C10orf143: variants seen among roughly 807,000 people sequenced by gnomAD.
The protein encoded by C10orf143 is chromosome 10 open reading frame 143.
rs931397970 is a variant in C10orf143, at chr10:130,056,887, G to A, written c.298-20917C>T. ...ATTACAGGCGTGAGCCACTGTGCCC[G>A]GCCAGTTGCTTTCATTTTTTATACA... is the stretch of plus-strand genomic sequence containing the variant. On this transcript the variant is annotated intron_variant and NMD_transcript_variant, in intron 3 of 5. Coordinates refer to the C10orf143 transcript ENST00000643056. This position sits in a 1 kb window ranked among gnomAD's most constrained non-coding sequence, Gnocchi z 4.6. Among the ~76,000 whole-genome samples the A allele has an allele frequency of 4.0e-5, 6 of 151,658 alleles. No individual in the cohort carries two copies. The highest frequency in any genetic ancestry group is 1.9e-4 in the East Asian group (1 of 5,148).
intron 1 of C10orf143, among the ~76,000 whole-genome samples, chr10:130,102,113 A>G (rs1444239166): frequency 2.0e-5 from 3 of 151,934 alleles, no homozygotes; most frequent in Non-Finnish European, 2.9e-5. Flanking sequence ...ACAAGAATAC[A>G]CAAAAATTAC....
rs561879447 is a variant in C10orf143 at position 130,099,015 on chromosome 10, G to A, written c.69+11689C>T. ...AGGCAGGAGAATCACTTGAACCCAG[G>A]GGGCGGAGGTTGCAGTGAGCCAAGA... On this transcript the variant is annotated intron_variant, in intron 1 of 3. Transcript: ENST00000637128. 3.3e-3 allele frequency among the ~76,000 whole-genome samples: 495 copies of A among 151,928 alleles called. 6 individuals carry two copies. Among genetic ancestry groups the A allele is most frequent in the African/African-American group, 0.011 (469 of 41,408 alleles).
chr10:130,035,267 G>A (rs1177743324), intron 4 of C10orf143, among the ~76,000 whole-genome samples: 2 of 152,106 alleles, frequency 1.3e-5, no homozygotes, highest in African/African-American at 4.8e-5. Context: ...GTCATCCTAT[G>A]GCCATCCTTT....
chr10:130,107,192 A>G (rs1415909775), intron 1 of C10orf143: 16 of 1,416,410 alleles, frequency 1.1e-5, no homozygotes, highest in Non-Finnish European at 1.6e-5. Context: ...ACTTAAAGTA[A>G]TGACTGAATT....
intron 3 of C10orf143, among the ~76,000 whole-genome samples, chr10:130,075,969 T>A (rs1468521901): frequency 6.6e-6 from 1 of 150,552 alleles, no homozygotes; most frequent in Non-Finnish European, 1.5e-5. Context: ...TGTGTATGTG[T>A]GTGTTTTTTG....
intron 1 of C10orf143, among the ~76,000 whole-genome samples, chr10:130,092,938 A>G (rs1193379074): frequency 6.6e-6 from 1 of 152,188 alleles, no homozygotes. Flanking sequence ...GAGACCTACA[A>G]AGAGATTTAG....
chr10:130,078,418 G>A (rs572499279), intron 3 of C10orf143, among the ~76,000 whole-genome samples: 2 of 152,256 alleles, frequency 1.3e-5, no homozygotes, highest in East Asian at 3.9e-4. Flanking sequence ...AGCATTATTC[G>A]TTTGTATTCT....
At chr10:130,094,508 C>T (rs1235347480) in intron 1 of C10orf143, among the ~76,000 whole-genome samples, 1 of 152,196 alleles carries the variant, frequency 6.6e-6, no homozygotes, top group Non-Finnish European at 1.5e-5. Flanking sequence ...TCCAGCAGCA[C>T]ATCAAAAAGC....
At chr10:130,087,784 A>G (rs1861315947) in intron 1 of C10orf143, among the ~76,000 whole-genome samples, 1 of 152,208 alleles carries the variant, frequency 6.6e-6, no homozygotes, top group South Asian at 2.1e-4. Flanking sequence ...CAAAGCCCCT[A>G]GAAACACACA....
chr10:130,097,001 C>T (rs938129778), intron 1 of C10orf143, among the ~76,000 whole-genome samples: 1 of 149,744 alleles, frequency 6.7e-6, no homozygotes. Context: ...CGCTCTGTCA[C>T]CCAGGCTGGA....
At chr10:130,084,136 C>T (rs577144976) in intron 1 of C10orf143, among the ~76,000 whole-genome samples, 23 of 152,028 alleles carry the variant, frequency 1.5e-4, no homozygotes, top group Non-Finnish European at 3.4e-4. Context: ...TGGTAAAACC[C>T]CATCTCTACT....
chr10:130,070,927 T>G (rs1439191699), intron 3 of C10orf143, among the ~76,000 whole-genome samples: 1 of 151,972 alleles, frequency 6.6e-6, no homozygotes. Context: ...TTGTTTTGTT[T>G]TGTTTTGAGA....
intron 3 of C10orf143, among the ~76,000 whole-genome samples, chr10:130,043,581 A>G (rs1860631462): frequency 6.6e-6 from 1 of 152,058 alleles, no homozygotes; most frequent in African/African-American, 2.4e-5. Context: ...CTCCTCAACC[A>G]TGGCACTCAC....
chr10:130,100,423 G>A (rs1347989837), intron 1 of C10orf143, among the ~76,000 whole-genome samples: 3 of 151,950 alleles, frequency 2.0e-5, no homozygotes, highest in African/African-American at 4.8e-5. Context: ...CCAGCTACTC[G>A]GGAGGCTGAG....
At chr10:130,048,710 T>G (rs538517079) in intron 3 of C10orf143, among the ~76,000 whole-genome samples, 41 of 152,164 alleles carry the variant, frequency 2.7e-4, no homozygotes, top group Admixed American at 1.1e-3. Flanking sequence ...TTGAGAGACA[T>G]CTTCTTTTTA....
At chr10:130,043,247 C>T (rs1174236366) in intron 3 of C10orf143, among the ~76,000 whole-genome samples, 1 of 152,070 alleles carries the variant, frequency 6.6e-6, no homozygotes, top group Non-Finnish European at 1.5e-5. Flanking sequence ...AGTTATACGG[C>T]AAAAAATTGA....
intron 1 of C10orf143, chr10:130,107,184 T>G: frequency 6.8e-7 from 1 of 1,478,292 alleles, no homozygotes; most frequent in Middle Eastern, 1.8e-4. Flanking sequence ...CAACAGAAAC[T>G]TAAAGTAATG....
intron 1 of C10orf143, among the ~76,000 whole-genome samples, chr10:130,084,649 GAT>G (rs1861262194): frequency 2.1e-5 from 1 of 47,072 alleles, no homozygotes; most frequent in Admixed American, 3.0e-4. Flanking sequence ...GTGTGCAGGT[GAT>G]ACACACACAC....
chr10:130,108,169 C>T (rs567207459), intron 1 of C10orf143: 14 of 1,577,938 alleles, frequency 8.9e-6, no homozygotes, highest in South Asian at 8.9e-5. Context: ...ATACAAGGGG[C>T]CCGTTCATGA....
Sources: gnomAD v4.1 joint callset for allele counts (sites outside exome capture counted in the v4.1 genomes callset) on GRCh38, gnomAD v4.1.1 for gene constraint, Gnocchi (gnomAD v3.1) non-coding constraint, MANE v1.5 for transcripts, NCBI Gene and HGNC (gene_info 2026-07-23, HGNC 2026-07-21) for gene names.